The following VENTX variants were observed in gnomAD, a reference collection of about 807,000 sequenced individuals.
The protein encoded by VENTX is homeobox protein VENTX.
In VENTX, 13 loss-of-function variants were observed where a neutral mutation model predicts 10.5. The ratio of observed to expected loss-of-function variants is 1.23; its 90% CI spans 0.80 to 1.96. The LOEUF is 1.96. Among genes scored for constraint, VENTX ranks in the 30% most tolerant of loss-of-function variants. The pLI, the probability that VENTX is intolerant of heterozygous loss-of-function variation, is 0.00. For synonymous variants in VENTX, 177 were observed against 150.4 expected (o/e 1.18, Z -1.29); for missense variants, 400 against 341.8 (o/e 1.17, Z -1.34).
At chr10:133,238,213 G>A in intron 1 of VENTX, 58 bp downstream of exon 1, 1 of 1,504,436 alleles carries the variant, frequency 6.6e-7, no homozygotes, top group South Asian at 1.4e-5. Flanking sequence ...GTGGGGGAGA[G>A]GCCAGGAGCC....
In VENTX at chr10:133,240,213, C is replaced by A. The variant is rs764449320; in HGVS notation, c.684C>A (p.His228Gln). 1 of 1,610,452 alleles carries A rather than the reference C, an allele frequency of 6.2e-7. No individual in the cohort carries two copies. The highest frequency in any genetic ancestry group is 2.2e-5 in the East Asian group (1 of 44,816). ...GCTGCGGGCAGCCTCTGGCGTCCCA[C>A]CCCCCTACCCCAGGCCGGCCTTCGC... ...ASCCGQPLAS[H>Q]PPTPGRPSLG... The change falls in exon 3 of 3, where the codon CAC becomes CAA. Residue 228 changes from histidine to glutamine, a missense_variant. Physicochemically the swap from His to Gln is conservative, Grantham distance 24 (BLOSUM62 0). Transcript: ENST00000325980.
chr10:133,238,322 G>A (rs935286033), intron 1 of VENTX, among the ~76,000 whole-genome samples, 167 bp downstream of exon 1: 1 of 152,198 alleles, frequency 6.6e-6, no homozygotes, highest in Non-Finnish European at 1.5e-5. Context: ...TCACTGGAGC[G>A]CAGCTTCCCT....
In VENTX at chr10:133,238,078, G is replaced by A. The variant is rs532294226; in HGVS notation, c.164G>A (p.Arg55Gln). 194 of 1,597,970 alleles carry A rather than the reference G, an allele frequency of 1.2e-4. 2 individuals are homozygous for A. The East Asian group carries it at 4.3e-3, about 35-fold the overall frequency. ...LPGPGQTSGA[R>Q]EPPQAVSIKE... is the part of the protein sequence containing the mutation. ...GGCCCAGGCCAGACATCCGGCGCCC[G>A]GGAGCCCCCTCAGGCCGTCAGCATC... Residue 55 changes from arginine to glutamine, a missense_variant, in exon 1 of 3, where the codon CGG becomes CAG. Coordinates refer to ENST00000325980, the MANE Select transcript of VENTX (RefSeq NM_014468.4).
At chr10:133,238,307 C>A in intron 1 of VENTX, 152 bp downstream of exon 1, 1 of 1,049,422 alleles carries the variant, frequency 9.5e-7, no homozygotes, top group Non-Finnish European at 1.3e-6. Flanking sequence ...GCCTTGCCGG[C>A]GCCCTCACTG....
intron 1 of VENTX, 24 bp downstream of exon 1, chr10:133,238,179 C>T (rs780273209): frequency 2.6e-6 from 4 of 1,565,470 alleles, no homozygotes; most frequent in African/African-American, 2.7e-5. Flanking sequence ...GGGGGGGTCC[C>T]TTCCTTCCCA....
Position 133,239,849 on chromosome 10 carries a change from G to C in VENTX, c.402+13G>C. ...CTCAGAGGTCCAGGTGAGGTGGGCC[G>C]GGCAGGCTGGGGTGGGCAGGGGTGG... On this transcript the variant is annotated intron_variant, in intron 2 of 2. Coordinates refer to ENST00000325980, the MANE Select transcript of VENTX (RefSeq NM_014468.4). 1.9e-6 allele frequency: 3 copies of C among 1,610,252 alleles called. No homozygotes were observed. Among genetic ancestry groups the C allele is most frequent in the Non-Finnish European group, 1.7e-6 (2 of 1,178,644 alleles).
Position 133,241,171 on chromosome 10 carries a change from G to C in VENTX, c.*865G>C, listed in dbSNP as rs1331072800. 1.3e-5 allele frequency: 2 copies of C among 152,464 alleles called. No homozygotes were observed. The highest frequency in any genetic ancestry group is 2.9e-5 in the Non-Finnish European group (2 of 68,106). 9.4% of individuals were successfully genotyped at this position (152,464 alleles called of 1,614,324 possible). ...AGGGAACAAAGGTGAACATGAAGGC[G>C]AGGATGCTGGGGCCCTGCAGTGCGC... On this transcript the variant is annotated 3_prime_UTR_variant, in exon 3 of 3. Transcript: ENST00000325980.
In VENTX at chr10:133,240,955, TGGGTAG is replaced by T. The variant is rs1845928199; in HGVS notation, c.*652_*657del. 6.6e-6 allele frequency: 1 copy of T among 152,146 alleles called. No individual in the cohort carries two copies. Among genetic ancestry groups the T allele is most frequent in the Non-Finnish European group, 1.5e-5 (1 of 68,024 alleles). 9.4% of individuals were successfully genotyped at this position (152,146 alleles called of 1,614,324 possible). On this transcript the variant is annotated 3_prime_UTR_variant, in exon 3 of 3. Transcript: ENST00000325980. ...GTCAAATGCAGAAGTGGGCTTGTCA[TGGGTAG>T]GGCTTTCGGCGTACGATAAAAGGAT...
At chr10:133,239,398 G>A (rs1450784725) in intron 1 of VENTX, among the ~76,000 whole-genome samples, 2 of 152,242 alleles carry the variant, frequency 1.3e-5, no homozygotes, top group Non-Finnish European at 2.9e-5. Context: ...CTGGGAACCG[G>A]CTTCTGGAAG....
In VENTX at chr10:133,237,961, G is replaced by T; in HGVS notation, c.47G>T (p.Ser16Ile). 6.2e-7 allele frequency: 1 copy of T among 1,600,316 alleles called. No homozygotes were observed. ...SPPRGPQQLS[S>I]FGSVDWLSQS... ...CCTCGTGGCCCGCAGCAGCTCTCCA[G>T]CTTTGGCTCCGTGGACTGGCTCTCC... Residue 16 changes from serine to isoleucine, a missense_variant, in exon 1 of 3, where the codon AGC becomes ATC. Transcript: ENST00000325980.
chr10:133,238,208 G>T (rs1845879578), intron 1 of VENTX, 53 bp downstream of exon 1: 41 of 1,508,434 alleles, frequency 2.7e-5, no homozygotes, highest in Non-Finnish European at 3.6e-5. Flanking sequence ...TGGGAGTGGG[G>T]GAGAGGCCAG....
chr10:133,238,883 G>GA (rs1247950478), intron 1 of VENTX, among the ~76,000 whole-genome samples: 1 of 152,122 alleles, frequency 6.6e-6, no homozygotes, highest in Non-Finnish European at 1.5e-5. Flanking sequence ...TAAGGGAAAT[G>GA]AAAATTTAAA....
Position 133,238,147 on chromosome 10 carries a change from C to T in VENTX, c.233C>T (p.Thr78Ile), listed in dbSNP as rs745975723. 6.3e-7 allele frequency: 1 copy of T among 1,594,626 alleles called. No individual in the cohort carries two copies. The highest frequency in any genetic ancestry group is 8.6e-7 in the Non-Finnish European group (1 of 1,169,546). Residue 78 changes from threonine (T) to isoleucine (I), a missense_variant, in exon 1 of 3, where the codon ACC (threonine) becomes ATC (isoleucine). Physicochemically the swap from Thr to Ile is moderately conservative, Grantham distance 89. Coordinates refer to ENST00000325980, the MANE Select transcript of VENTX (RefSeq NM_014468.4). ...TCAAATCTGCCTGCGCCGGAGAGGA[C>T]CATGGCCGGTAGGTCCGGGTGGGGG... Reference protein sequence around the residue: ...GSSNLPAPERTMAGLSKEPNT... With the variant: ...GSSNLPAPERIMAGLSKEPNT...
chr10:133,239,862 T>C, intron 2 of VENTX, 26 bp downstream of exon 2: 4 of 455,208 alleles, frequency 8.8e-6, no homozygotes, highest in Non-Finnish European at 1.5e-5. Flanking sequence ...CAGGCTGGGG[T>C]GGGCAGGGGT....
At chr10:133,239,861 G>A (rs1467607951) in intron 2 of VENTX, 25 bp downstream of exon 2, 4 of 1,607,490 alleles carry the variant, frequency 2.5e-6, no homozygotes, top group African/African-American at 2.7e-5. Context: ...GCAGGCTGGG[G>A]TGGGCAGGGG....
rs1845918525 is a variant in VENTX, at chr10:133,240,462, A to G, written c.*156A>G. 3.7e-6 allele frequency: 2 copies of G among 538,612 alleles called. No homozygotes were observed. Among genetic ancestry groups the G allele is most frequent in the Non-Finnish European group, 5.6e-6 (2 of 354,930 alleles). The allele number at this position is 538,612 out of a possible 1,614,324, so 33.4% of individuals were successfully genotyped here. A position where few individuals can be genotyped will look rare whatever the true frequency, so the allele number is the denominator to read the frequency against. On this transcript the variant is annotated 3_prime_UTR_variant, in exon 3 of 3. Coordinates refer to ENST00000325980, the MANE Select transcript of VENTX (RefSeq NM_014468.4). ...CTGGAGAATATATATAAATATATAT[A>G]TGTACGTATATATGTAAATACACAT...
Position 133,239,922 on chromosome 10 carries a change from T to C in VENTX, c.403-10T>C, listed in dbSNP as rs1845908972. 12 of 1,610,970 alleles carry C rather than the reference T, an allele frequency of 7.4e-6. No homozygotes were observed. In the East Asian group the frequency reaches 2.7e-4, roughly 36 times the overall value. ...GTCTCACCCCTGTTCTGATCTTGCT[T>C]TTCCTACAGATAAAAACCTGGTTTC... On this transcript the variant is annotated splice_polypyrimidine_tract_variant and intron_variant, in intron 2 of 2. Coordinates refer to ENST00000325980, the MANE Select transcript of VENTX (RefSeq NM_014468.4).
At position 133,237,971 on chromosome 10, in the gene VENTX, C is replaced by G. The variant is rs774292877; in HGVS notation, c.57C>G (p.Ser19=). ...RGPQQLSSFG[S]VDWLSQSSCS... ...CGCAGCAGCTCTCCAGCTTTGGCTC[C>G]GTGGACTGGCTCTCCCAGAGCAGCT... Residue 19 remains serine (S), a synonymous_variant, in exon 1 of 3, where the codon TCC becomes TCG. Coordinates refer to ENST00000325980, the MANE Select transcript of VENTX (RefSeq NM_014468.4). 1 of 1,600,726 alleles carries G rather than the reference C, an allele frequency of 6.2e-7. No individual in the cohort carries two copies. Among genetic ancestry groups the G allele is most frequent in the African/African-American group, 1.3e-5 (1 of 74,862 alleles).
intron 1 of VENTX, 68 bp from the exon 2 acceptor site, chr10:133,239,608 T>C (rs1845899916): frequency 6.4e-7 from 1 of 1,574,458 alleles, no homozygotes; most frequent in Admixed American, 1.7e-5. Flanking sequence ...CTTCACCTGT[T>C]ACCCGTGGGC....
Sources: allele counts gnomAD v4.1 joint callset (sites outside exome capture counted in the v4.1 genomes callset), GRCh38; gene constraint gnomAD v4.1.1; transcripts MANE v1.5; gene names NCBI Gene and HGNC (gene_info 2026-07-23, HGNC 2026-07-21).